Variants in CSMD1 observed in about 807,000 individuals in gnomAD.
CSMD1 encodes CUB and sushi domain-containing protein 1.
In CSMD1, 213 loss-of-function variants were observed where a neutral mutation model predicts 417.5. That is an observed-to-expected ratio of 0.51 (90% confidence interval 0.46 to 0.57). The LOEUF is 0.57. Among genes scored for constraint, CSMD1 ranks in the 20% least tolerant of loss-of-function variants. The pLI, the probability that CSMD1 is intolerant of heterozygous loss-of-function variation, is 0.00. For synonymous variants in CSMD1, 2,862 were observed against 1,736.8 expected, an observed-to-expected ratio of 1.65 and a Z score of -16.11; for missense variants, 6,923 against 4,529.7, an observed-to-expected ratio of 1.53 and a Z score of -15.17.
chr8:3,108,532 C>T lies in CSMD1; in HGVS notation c.6754+71G>A, dbSNP rs529838319. 261 of 1,481,914 alleles carry T rather than the reference C, an allele frequency of 1.8e-4. 1 individual carries two copies. Among genetic ancestry groups the T allele is most frequent in the South Asian group, 5.3e-4 (43 of 80,662 alleles). 91.8% of individuals were successfully genotyped at this position (1,481,914 alleles called of 1,614,324 possible). A position where few individuals can be genotyped will look rare whatever the true frequency, so the allele number is the denominator to read the frequency against. On this transcript the variant is annotated intron_variant, in intron 44 of 69. Coordinates refer to ENST00000635120, the MANE Select transcript of CSMD1 (RefSeq NM_033225.6). ...CAAGAAACTTCAGCTGGAAACAAGG[C>T]GTGGGACAACACTGCAGGAAACACC...
At chr8:4,060,993 G>C (rs916598388) in intron 3 of CSMD1, among the ~76,000 whole-genome samples, 1 of 152,102 alleles carries the variant, frequency 6.6e-6, no homozygotes, top group African/African-American at 2.4e-5. Flanking sequence ...TTGTGAGCAA[G>C]CAAAGCAAAA....
chr8:3,951,904 TTAAA>T (rs1811624320), intron 5 of CSMD1, among the ~76,000 whole-genome samples: 1 of 151,750 alleles, frequency 6.6e-6, no homozygotes, highest in Non-Finnish European at 1.5e-5. Context: ...AAAAAAAATC[TTAAA>T]TAACCAGTTT....
intron 26 of CSMD1, among the ~76,000 whole-genome samples, chr8:3,240,607 T>G (rs371911672): frequency 1.3e-5 from 2 of 151,950 alleles, no homozygotes; most frequent in Admixed American, 6.6e-5. Context: ...CCGGGTAATC[T>G]GCTGAGCCTG....
At chr8:3,284,896 CCAACAGAAAGG>C (rs1803032070) in intron 25 of CSMD1, among the ~76,000 whole-genome samples, 1 of 152,106 alleles carries the variant, frequency 6.6e-6, no homozygotes, top group South Asian at 2.1e-4. Context: ...ATTTAAAATA[CCAACAGAAAGG>C]CAAAAATGGG....
intron 3 of CSMD1, among the ~76,000 whole-genome samples, chr8:4,075,321 T>C (rs1799765198): frequency 6.6e-6 from 1 of 152,144 alleles, no homozygotes; most frequent in Non-Finnish European, 1.5e-5. Context: ...ATAAATACCT[T>C]CACCTAAGAG....
intron 1 of CSMD1, among the ~76,000 whole-genome samples, chr8:4,801,570 G>T (rs1236264912): frequency 6.6e-6 from 1 of 151,674 alleles, no homozygotes; most frequent in Non-Finnish European, 1.5e-5. Context: ...TAACTCTTTT[G>T]CATATCTCAA....
intron 2 of CSMD1, among the ~76,000 whole-genome samples, chr8:4,481,250 C>T (rs1652547): frequency 0.032 from 4,810 of 152,324 alleles, 228 homozygotes; most frequent in African/African-American, 0.11. Flanking sequence ...TAGATTTGTA[C>T]GTGCCCATGC....
intron 2 of CSMD1, among the ~76,000 whole-genome samples, chr8:4,477,482 C>T (rs549932423): frequency 2.0e-4 from 31 of 152,308 alleles, no homozygotes; most frequent in African/African-American, 7.5e-4. Flanking sequence ...TATTTAATCA[C>T]TATAATTAAA....
chr8:4,455,161 T>C (rs1019188009), intron 2 of CSMD1, among the ~76,000 whole-genome samples: 4 of 152,068 alleles, frequency 2.6e-5, no homozygotes, highest in African/African-American at 9.7e-5. Context: ...AAAAGGAAAA[T>C]GGTATTTCAG....
At chr8:3,033,776 ATAAACT>A (rs758038777) in intron 50 of CSMD1, among the ~76,000 whole-genome samples, 87 of 152,316 alleles carry the variant, frequency 5.7e-4, no homozygotes, top group Non-Finnish European at 1.1e-3. Context: ...TAAAAATAAA[ATAAACT>A]TAAAGTAAAA....
intron 12 of CSMD1, among the ~76,000 whole-genome samples, chr8:3,453,889 A>T (rs1691433947): frequency 6.6e-6 from 1 of 151,994 alleles, no homozygotes; most frequent in African/African-American, 2.4e-5. Flanking sequence ...GTCTTGTTGA[A>T]ATGTCTGATG....
chr8:3,449,448 A>G (rs941116869), intron 12 of CSMD1, among the ~76,000 whole-genome samples: 1 of 152,080 alleles, frequency 6.6e-6, no homozygotes, highest in Non-Finnish European at 1.5e-5. Context: ...CTGGACTCGG[A>G]AAGTGAATTT....
chr8:3,804,132 A>T (rs1314011551), intron 5 of CSMD1, among the ~76,000 whole-genome samples: 1 of 151,960 alleles, frequency 6.6e-6, no homozygotes, highest in Non-Finnish European at 1.5e-5. Context: ...GGGTTTCACC[A>T]TGTTGGCCAG....
At chr8:3,541,491 A>T (rs1481301196) in intron 10 of CSMD1, among the ~76,000 whole-genome samples, 1 of 152,030 alleles carries the variant, frequency 6.6e-6, no homozygotes, top group Non-Finnish European at 1.5e-5. Context: ...TACCGAAATA[A>T]CAAATCTGCA....
intron 1 of CSMD1, among the ~76,000 whole-genome samples, chr8:4,674,263 G>A (rs1225559370): frequency 6.6e-6 from 1 of 152,132 alleles, no homozygotes; most frequent in Non-Finnish European, 1.5e-5. Context: ...AAAGCGGGAG[G>A]TTATGTTGAG....
chr8:4,368,601 C>T (rs1227097374), intron 3 of CSMD1, among the ~76,000 whole-genome samples: 1 of 151,986 alleles, frequency 6.6e-6, no homozygotes, highest in Non-Finnish European at 1.5e-5. Flanking sequence ...ACATTTGGTC[C>T]AGGACTTTTG....
At chr8:4,060,132 G>C (rs578177575) in intron 3 of CSMD1, among the ~76,000 whole-genome samples, 1 of 152,252 alleles carries the variant, frequency 6.6e-6, no homozygotes, top group Non-Finnish European at 1.5e-5. Flanking sequence ...TGCAAGGCTG[G>C]TTCAACATAT....
At chr8:4,482,152 C>G (rs1801136458) in intron 2 of CSMD1, among the ~76,000 whole-genome samples, 2 of 152,086 alleles carry the variant, frequency 1.3e-5, no homozygotes, top group Admixed American at 1.3e-4. Context: ...CATAAGTAAA[C>G]TTGTGTCATG....
intron 17 of CSMD1, among the ~76,000 whole-genome samples, chr8:3,392,547 C>T (rs565822689): frequency 2.1e-4 from 32 of 152,176 alleles, no homozygotes; most frequent in African/African-American, 6.7e-4. Flanking sequence ...CTCTGCTGGC[C>T]TTGGCCCCTT....
Sources: gnomAD v4.1 joint callset for allele counts (sites outside exome capture counted in the v4.1 genomes callset) on GRCh38, gnomAD v4.1.1 for gene constraint, MANE v1.5 for transcripts, NCBI Gene and HGNC (gene_info 2026-07-23, HGNC 2026-07-21) for gene names.